Variants in CAMTA1 observed in about 807,000 individuals in gnomAD.
CAMTA1 encodes calmodulin-binding transcription activator 1.
CAMTA1 carries 27 observed loss-of-function variants against 170.9 expected under a neutral mutation model. The ratio of observed to expected loss-of-function variants is 0.16; its 90% CI spans 0.12 to 0.22. The LOEUF is 0.22. Among genes scored for constraint, CAMTA1 ranks in the 10% least tolerant of loss-of-function variants. CAMTA1 has a pLI of 1.00. For missense variants in CAMTA1, 1,619 were observed against 2,217.2 expected, an observed-to-expected ratio of 0.73 and a Z score of 5.42; for synonymous variants, 833 against 891.5, an observed-to-expected ratio of 0.93 and a Z score of 1.17.
rs573252325 is a variant in CAMTA1 at position 7,547,820 on chromosome 1, C to T, written c.510+79919C>T. Among the ~76,000 whole-genome samples, 2 of 148,974 alleles carry T rather than the reference C, an allele frequency of 1.3e-5. No individual in the cohort carries two copies. Among genetic ancestry groups the T allele is most frequent in the East Asian group, 4.1e-4 (2 of 4,934 alleles). ...ACAACCAGTCTCACATCTCTGCCAC[C>T]CCATGTGGGCCCCCTCCAAACCCAG... On this transcript the variant is annotated intron_variant, in intron 6 of 22. Transcript: ENST00000303635. The surrounding 1 kb of genome is among the most constrained non-coding windows in gnomAD (Gnocchi z 5.7).
chr1:7,356,412 C>T (rs1432401280), intron 5 of CAMTA1, among the ~76,000 whole-genome samples: 1 of 152,252 alleles, frequency 6.6e-6, no homozygotes, highest in African/African-American at 2.4e-5. Context: ...TAGCACCATC[C>T]TGAAATTGAA....
chr1:6,948,393 T>C (rs1687907884), intron 3 of CAMTA1, among the ~76,000 whole-genome samples: 1 of 152,214 alleles, frequency 6.6e-6, no homozygotes, highest in Non-Finnish European at 1.5e-5. Context: ...GCTTCCCATA[T>C]GTACATGCGT....
chr1:7,446,026 G>C (rs2092672113), intron 5 of CAMTA1, among the ~76,000 whole-genome samples: 1 of 152,174 alleles, frequency 6.6e-6, no homozygotes, highest in African/African-American at 2.4e-5. Context: ...AAACAGGGGA[G>C]TTGGGCTGGT....
chr1:7,469,473 A>G (rs1417551927), intron 6 of CAMTA1, among the ~76,000 whole-genome samples: 1 of 152,294 alleles, frequency 6.6e-6, no homozygotes, highest in East Asian at 1.9e-4. Flanking sequence ...AAGAAACACC[A>G]TTTATCCAAA....
At chr1:6,911,254 G>T (rs79935517) in intron 3 of CAMTA1, among the ~76,000 whole-genome samples, 3 of 152,152 alleles carry the variant, frequency 2.0e-5, no homozygotes, top group African/African-American at 7.2e-5. Context: ...CTGTGAGGTG[G>T]TCCTTGGAGG....
intron 4 of CAMTA1, among the ~76,000 whole-genome samples, chr1:7,177,638 C>G (rs919439420): frequency 7.9e-5 from 12 of 151,870 alleles, no homozygotes; most frequent in African/African-American, 2.4e-5. Flanking sequence ...ACTGAAGCCC[C>G]TCCCACACAT....
intron 6 of CAMTA1, among the ~76,000 whole-genome samples, chr1:7,552,854 T>C (rs1403083391): frequency 6.6e-6 from 1 of 152,040 alleles, no homozygotes; most frequent in Non-Finnish European, 1.5e-5. Flanking sequence ...AACCAGGAGG[T>C]TACAGTCCAA....
chr1:7,611,570 G>T (rs549540638), intron 6 of CAMTA1, among the ~76,000 whole-genome samples: 1 of 152,338 alleles, frequency 6.6e-6, no homozygotes, highest in Admixed American at 6.5e-5. Flanking sequence ...GGAGCCAAGT[G>T]GTGCCTGATG....
intron 3 of CAMTA1, among the ~76,000 whole-genome samples, chr1:6,869,261 G>C: frequency 6.6e-6 from 1 of 152,246 alleles, no homozygotes; most frequent in East Asian, 1.9e-4. Flanking sequence ...CAGGAAGACA[G>C]GAGGTTCTGA....
At chr1:7,110,327 G>A (rs917089177) in intron 4 of CAMTA1, among the ~76,000 whole-genome samples, 3 of 151,968 alleles carry the variant, frequency 2.0e-5, no homozygotes, top group African/African-American at 7.3e-5. Flanking sequence ...ATGTTCTGAG[G>A]CAGCTTAATA....
chr1:6,841,119 C>T (rs1217623378), intron 3 of CAMTA1, among the ~76,000 whole-genome samples: 4 of 152,146 alleles, frequency 2.6e-5, no homozygotes, highest in East Asian at 1.9e-4. Context: ...TTGATGCCAG[C>T]GACGTAGAGT....
At chr1:6,920,492 G>T (rs901362668) in intron 3 of CAMTA1, among the ~76,000 whole-genome samples, 1 of 152,182 alleles carries the variant, frequency 6.6e-6, no homozygotes, top group Non-Finnish European at 1.5e-5. Flanking sequence ...CCATTCTGGG[G>T]TGTGGAGGAT....
intron 5 of CAMTA1, among the ~76,000 whole-genome samples, chr1:7,417,489 C>T (rs978727654): frequency 0.075 from 16 of 212 alleles, no homozygotes; most frequent in African/African-American, 0.2. Context: ...GGCGCCCATC[C>T]CCCAGCCTTG....
chr1:6,837,477 T>C (rs1490657882), intron 3 of CAMTA1, among the ~76,000 whole-genome samples: 1 of 152,192 alleles, frequency 6.6e-6, no homozygotes, highest in African/African-American at 2.4e-5. Context: ...TATTTACTTC[T>C]TTAGAAGTTG....
At chr1:7,122,300 A>G (rs1433921360) in intron 4 of CAMTA1, among the ~76,000 whole-genome samples, 1 of 152,102 alleles carries the variant, frequency 6.6e-6, no homozygotes, top group Non-Finnish European at 1.5e-5. Context: ...ATATTTGCAC[A>G]GCCACGTGCA....
At chr1:7,261,667 A>G (rs553766475) in intron 5 of CAMTA1, among the ~76,000 whole-genome samples, 162 of 152,312 alleles carry the variant, frequency 1.1e-3, no homozygotes, top group African/African-American at 3.8e-3. Flanking sequence ...CTCAAATAAC[A>G]GAGTCAGGGA....
rs1415774343 is a variant in CAMTA1, at chr1:7,146,710, T to C, written c.302+55339T>C. Among the ~76,000 whole-genome samples, 1 of 149,554 alleles carries C rather than the reference T, an allele frequency of 6.7e-6. No individual in the cohort carries two copies. Among genetic ancestry groups the C allele is most frequent in the African/African-American group, 2.5e-5 (1 of 40,542 alleles). ...GTCAGAGGGGGTAGGGAGAGAAGGGTTTGGCGTATTGCACACACACAAACA... is the reference window on the plus strand; with the variant it reads ...GTCAGAGGGGGTAGGGAGAGAAGGGCTTGGCGTATTGCACACACACAAACA... On this transcript the variant is annotated intron_variant, in intron 4 of 22. Transcript: ENST00000303635. This position sits in a 1 kb window ranked among gnomAD's most constrained non-coding sequence, Gnocchi z 4.3.
At chr1:7,706,029 A>C (rs1011782183) in intron 11 of CAMTA1, among the ~76,000 whole-genome samples, 1 of 152,212 alleles carries the variant, frequency 6.6e-6, no homozygotes, top group South Asian at 2.1e-4. Context: ...CGATCTCTGT[A>C]GATTACTGCA....
chr1:7,593,646 C>T (rs1281171279), intron 6 of CAMTA1, among the ~76,000 whole-genome samples: 2 of 151,534 alleles, frequency 1.3e-5, no homozygotes, highest in African/African-American at 4.8e-5. Flanking sequence ...TGCACTATCA[C>T]GCCTGGCTAA....
Sources: allele counts gnomAD v4.1 joint callset (sites outside exome capture counted in the v4.1 genomes callset), GRCh38; gene constraint gnomAD v4.1.1; non-coding constraint Gnocchi (gnomAD v3.1); transcripts MANE v1.5; gene names NCBI Gene and HGNC (gene_info 2026-07-23, HGNC 2026-07-21).